The following ZFP41 variants were observed in gnomAD, a reference collection of about 807,000 sequenced individuals.
The protein encoded by ZFP41 is zinc finger protein 41 homolog.
ZFP41 carries 10 observed loss-of-function variants against 11.6 expected under a neutral mutation model. The ratio of observed to expected loss-of-function variants is 0.86; its 90% CI spans 0.53 to 1.47. The LOEUF (loss-of-function observed/expected upper bound fraction) is 1.47, where lower values mean the gene tolerates loss of function less well. Ranked by LOEUF, ZFP41 falls within the 40% of genes most tolerant of loss-of-function variation. The pLI is 0.00. For missense variants in ZFP41, 302 were observed against 264.6 expected, an observed-to-expected ratio of 1.14 and a Z score of -0.98; for synonymous variants, 123 against 100.9, an observed-to-expected ratio of 1.22 and a Z score of -1.31.
At chr8:143,254,240 A>T (rs1814852721) in intron 2 of ZFP41, among the ~76,000 whole-genome samples, 2 of 152,214 alleles carry the variant, frequency 1.3e-5, no homozygotes, top group South Asian at 4.1e-4. Context: ...CAGAACCGCC[A>T]GCCACGTAAA....
At chr8:143,257,637 C>CT (rs546837162) in intron 2 of ZFP41, among the ~76,000 whole-genome samples, 110 of 152,224 alleles carry the variant, frequency 7.2e-4, no homozygotes, top group African/African-American at 2.5e-3. Context: ...GGCAAAATGA[C>CT]TAAGAAAAAA....
In ZFP41 at chr8:143,250,223, G is replaced by A; in HGVS notation, c.380G>A (p.Ser127Asn). ...CAQCGKAFRH[S>N]SDVTKHQRTH... Reference sequence around the variant, plus strand: ...CAGTGCGGGAAGGCCTTCCGGCACAGCTCTGACGTCACCAAACACCAGAGG... The same window carrying A: ...CAGTGCGGGAAGGCCTTCCGGCACAACTCTGACGTCACCAAACACCAGAGG... The change falls in exon 2 of 3, where the codon AGC becomes AAC. Residue 127 changes from serine to asparagine, a missense_variant. By Grantham distance (46) the Ser-to-Asn change is conservative (BLOSUM62 1). Coordinates refer to ENST00000330701, the MANE Select transcript of ZFP41 (RefSeq NM_173832.6). 1 of 1,614,054 alleles carries A rather than the reference G, an allele frequency of 6.2e-7. No homozygotes were observed. The highest frequency in any genetic ancestry group is 8.5e-7 in the Non-Finnish European group (1 of 1,180,038).
At chr8:143,255,135 T>C (rs1272547168) in intron 2 of ZFP41, among the ~76,000 whole-genome samples, 1 of 152,116 alleles carries the variant, frequency 6.6e-6, no homozygotes, top group Non-Finnish European at 1.5e-5. Context: ...GGGTTCCTGA[T>C]CCTAAACTCA....
chr8:143,251,659 T>G (rs1814760117), intron 2 of ZFP41, among the ~76,000 whole-genome samples: 1 of 152,182 alleles, frequency 6.6e-6, no homozygotes, highest in South Asian at 2.1e-4. Context: ...TTGAGCAGTC[T>G]CAGAAATGGA....
At chr8:143,257,995 C>T (rs1814952172) in intron 2 of ZFP41, among the ~76,000 whole-genome samples, 1 of 152,168 alleles carries the variant, frequency 6.6e-6, no homozygotes, top group Non-Finnish European at 1.5e-5. Context: ...AATTACAGTT[C>T]AGTGTCACTC....
rs1385741111 is a variant in ZFP41 at position 143,246,952 on chromosome 8, G to A, written c.-345G>A. ...CAGCGGGCGGGCATTTCCTGCCGGTGCCTAGGGCCGACGGGGACGCTGGCA... is the reference window on the plus strand; with the variant it reads ...CAGCGGGCGGGCATTTCCTGCCGGTACCTAGGGCCGACGGGGACGCTGGCA... On this transcript the variant is annotated 5_prime_UTR_variant, in exon 1 of 3. Coordinates refer to ENST00000330701, the MANE Select transcript of ZFP41 (RefSeq NM_173832.6). 1 of 152,446 alleles carries A rather than the reference G, an allele frequency of 6.6e-6. No individual in the cohort carries two copies. Among genetic ancestry groups the A allele is most frequent in the Non-Finnish European group, 1.5e-5 (1 of 68,212 alleles). The allele number at this position is 152,446 out of a possible 1,614,324, so 9.4% of individuals were successfully genotyped here.
chr8:143,258,189 C>T lies in ZFP41; in HGVS notation c.*901-1586C>T, dbSNP rs59587295. ...AAAAATTAAAAATTAGGTATGGTGG[C>T]GTGCGCCTGTGGTCCCATATACTCG... On this transcript the variant is annotated intron_variant, in intron 2 of 2. Transcript: ENST00000330701. 4.9e-3 allele frequency among the ~76,000 whole-genome samples: 750 copies of T among 152,212 alleles called. 13 individuals carry two copies. Among genetic ancestry groups the T allele is most frequent in the African/African-American group, 0.017 (724 of 41,524 alleles).
Position 143,261,229 on chromosome 8 carries a change from A to T in ZFP41, c.*2355A>T, listed in dbSNP as rs1416601994. ...GGTTTCATTCCCAGTGACCTCTCCT[A>T]TTGGTCCCCATTTGGGGCGCTGAGA... On this transcript the variant is annotated 3_prime_UTR_variant, in exon 3 of 3. Transcript: ENST00000330701. The T allele has an allele frequency of 6.6e-6, 1 of 152,234 alleles. No individual in the cohort carries two copies. The highest frequency in any genetic ancestry group is 2.4e-5 in the African/African-American group (1 of 41,436). The allele number at this position is 152,234 out of a possible 1,614,324, so 9.4% of individuals were successfully genotyped here.
chr8:143,248,295 G>C (rs1465778079), intron 1 of ZFP41: 1 of 152,186 alleles, frequency 6.6e-6, no homozygotes, highest in Non-Finnish European at 1.5e-5. Flanking sequence ...AAAAAGATAC[G>C]ATCCTCGCCT....
chr8:143,258,736 C>T (rs1458523999), intron 2 of ZFP41, among the ~76,000 whole-genome samples: 2 of 152,096 alleles, frequency 1.3e-5, no homozygotes, highest in South Asian at 2.1e-4. Context: ...GGGCAAAAGT[C>T]GCAGAAGAAA....
At chr8:143,255,701 G>C (rs544473320) in intron 2 of ZFP41, among the ~76,000 whole-genome samples, 1 of 130,970 alleles carries the variant, frequency 7.6e-6, no homozygotes, top group South Asian at 2.7e-4. Context: ...CTCGCCCCGC[G>C]TGCTGGTGTT....
At position 143,260,862 on chromosome 8, in the gene ZFP41, G is replaced by C. The variant is rs754036228; in HGVS notation, c.*1988G>C. On this transcript the variant is annotated 3_prime_UTR_variant, in exon 3 of 3. Transcript: ENST00000330701. ...CCAGCCGAGCTCTGTAGGCCTCAGAGTGCAGAGAACCTCAAATGTTGTGAC... is the reference window on the plus strand; with the variant it reads ...CCAGCCGAGCTCTGTAGGCCTCAGACTGCAGAGAACCTCAAATGTTGTGAC... 1 of 167,380 alleles carries C rather than the reference G, an allele frequency of 6.0e-6. No homozygotes were observed. The highest frequency in any genetic ancestry group is 2.4e-5 in the African/African-American group (1 of 41,562). The allele number at this position is 167,380 out of a possible 1,614,324, so 10.4% of individuals were successfully genotyped here.
intron 1 of ZFP41, chr8:143,249,229 G>A (rs1020044158): frequency 6.6e-6 from 1 of 152,606 alleles, no homozygotes; most frequent in Non-Finnish European, 1.5e-5. Flanking sequence ...TGTGGTCCAT[G>A]GCAGGGGGGC....
intron 1 of ZFP41, chr8:143,248,320 C>G (rs1261650765): frequency 1.3e-5 from 2 of 152,234 alleles, no homozygotes; most frequent in Admixed American, 1.3e-4. Flanking sequence ...GAGACCCTGT[C>G]GCATAAGGAG....
intron 1 of ZFP41, 144 bp downstream of exon 1, chr8:143,247,286 A>T (rs1816711176): frequency 6.6e-6 from 1 of 152,262 alleles, no homozygotes; most frequent in Admixed American, 6.5e-5. Context: ...CCCGAGGCCG[A>T]CCTAGCTCTG....
intron 2 of ZFP41, chr8:143,252,770 T>A: frequency 3.1e-6 from 1 of 322,998 alleles, no homozygotes; most frequent in Non-Finnish European, 4.5e-6. Context: ...GTCAGCCCAC[T>A]GCCGTCAGCA....
At position 143,262,286 on chromosome 8, in the gene ZFP41, T is replaced by C. The variant is rs1056449; in HGVS notation, c.*3412T>C. ...GTGCCTGTTTCCTGGTGAGGCTGGA[T>C]GCCTGGCATGTCTGAACACTCACAT... On this transcript the variant is annotated 3_prime_UTR_variant, in exon 3 of 3. Transcript: ENST00000330701. 73,928 of 156,080 alleles carry C rather than the reference T, an allele frequency of 0.47. 18,270 individuals are homozygous for C. The highest frequency in any genetic ancestry group is 0.69 in the East Asian group (3,580 of 5,198). 9.7% of individuals were successfully genotyped at this position (156,080 alleles called of 1,614,324 possible). A position where few individuals can be genotyped will look rare whatever the true frequency, so the allele number is the denominator to read the frequency against.
At position 143,250,536 on chromosome 8, in the gene ZFP41, G is replaced by A; in HGVS notation, c.*96G>A. On this transcript the variant is annotated 3_prime_UTR_variant, in exon 2 of 3. Coordinates refer to ENST00000330701, the MANE Select transcript of ZFP41 (RefSeq NM_173832.6). The stretch of plus-strand genomic sequence containing the variant: ...TGTCCCGCGTCTGATGGGGGCGCAG[G>A]GCCGTGCGCACTGTGTTCCGTGCCC... 1 of 1,528,198 alleles carries A rather than the reference G, an allele frequency of 6.5e-7. No individual in the cohort carries two copies. The highest frequency in any genetic ancestry group is 8.8e-7 in the Non-Finnish European group (1 of 1,138,716). The allele number at this position is 1,528,198 out of a possible 1,614,324, so 94.7% of individuals were successfully genotyped here. A position where few individuals can be genotyped will look rare whatever the true frequency, so the allele number is the denominator to read the frequency against.
intron 2 of ZFP41, among the ~76,000 whole-genome samples, chr8:143,258,566 A>G (rs898306080): frequency 1.3e-5 from 2 of 152,192 alleles, no homozygotes; most frequent in Non-Finnish European, 2.9e-5. Flanking sequence ...ACTTACCCTG[A>G]CCACTGTAGC....
Sources: allele counts gnomAD v4.1 joint callset (sites outside exome capture counted in the v4.1 genomes callset), GRCh38; gene constraint gnomAD v4.1.1; transcripts MANE v1.5; gene names NCBI Gene and HGNC (gene_info 2026-07-23, HGNC 2026-07-21).